The following GALNT13 variants were observed in gnomAD, a reference collection of about 807,000 sequenced individuals.
The protein encoded by GALNT13 is UDP-GalNAc:polypeptide N-acetylgalactosaminyltransferase 13.
Under a neutral mutation model 64.2 loss-of-function variants are expected in GALNT13, and 28 were observed. The ratio of observed to expected loss-of-function variants is 0.44; its 90% CI spans 0.32 to 0.60. GALNT13 has a LOEUF of 0.60. Ranked by LOEUF, GALNT13 falls within the 20% of genes least tolerant of loss-of-function variation. The pLI, the probability that GALNT13 is intolerant of heterozygous loss-of-function variation, is 0.05. For synonymous variants in GALNT13, 214 were observed against 224.6 expected, an observed-to-expected ratio of 0.95 and a Z score of 0.42; for missense variants, 577 against 669.8, an observed-to-expected ratio of 0.86 and a Z score of 1.53.
the GALNT13 span, among the ~76,000 whole-genome samples, chr2:153,081,729 G>A: frequency 6.6e-6 from 1 of 152,034 alleles, no homozygotes; most frequent in Non-Finnish European, 1.5e-5. Flanking sequence ...ATAGTACTCC[G>A]CTATGTACAT....
chr2:153,209,037 G>A, the GALNT13 span, among the ~76,000 whole-genome samples: 1 of 134,082 alleles, frequency 7.5e-6, no homozygotes, highest in African/African-American at 2.8e-5. Flanking sequence ...GGAGTGCAGT[G>A]GCACTATCTT....
chr2:153,549,135 T>C, the GALNT13 span, among the ~76,000 whole-genome samples: 1 of 152,036 alleles, frequency 6.6e-6, no homozygotes. Context: ...TGACTGATGA[T>C]GGGTAGGGGT....
chr2:153,599,723 A>G, the GALNT13 span, among the ~76,000 whole-genome samples: 1 of 152,036 alleles, frequency 6.6e-6, no homozygotes, highest in Non-Finnish European at 1.5e-5. Context: ...GTAGCTGGAC[A>G]TATTATCATA....
the GALNT13 span, among the ~76,000 whole-genome samples, chr2:153,313,502 C>T: frequency 1.4e-5 from 2 of 144,996 alleles, no homozygotes; most frequent in Non-Finnish European, 3.0e-5. Context: ...ATGATGAGAA[C>T]AATGGAAATA....
chr2:153,790,310 A>G, the GALNT13 span, among the ~76,000 whole-genome samples: 8 of 152,208 alleles, frequency 5.3e-5, no homozygotes, highest in Non-Finnish European at 8.8e-5. Flanking sequence ...TTATCACATA[A>G]ACAGAACTAA....
At chr2:153,936,222 C>T (rs1690902269) in intron 2 of GALNT13, among the ~76,000 whole-genome samples, 1 of 152,160 alleles carries the variant, frequency 6.6e-6, no homozygotes, top group Non-Finnish European at 1.5e-5. Context: ...GCATTAACAA[C>T]TATTTGCATA....
At chr2:153,316,272 A>G in the GALNT13 span, among the ~76,000 whole-genome samples, 10 of 151,768 alleles carry the variant, frequency 6.6e-5, no homozygotes, top group South Asian at 1.7e-3. Context: ...ATAAAATTAA[A>G]CTCCTACCGC....
chr2:154,247,067 G>A (rs1480025368), intron 7 of GALNT13, among the ~76,000 whole-genome samples: 1 of 151,894 alleles, frequency 6.6e-6, no homozygotes, highest in African/African-American at 2.4e-5. Context: ...CTAAAAATAG[G>A]CTAATGGAAG....
At chr2:153,231,405 T>A in the GALNT13 span, among the ~76,000 whole-genome samples, 3 of 152,192 alleles carry the variant, frequency 2.0e-5, no homozygotes, top group African/African-American at 7.2e-5. Context: ...GGAACAGGAT[T>A]CTTATTTGAG....
At position 153,889,060 on chromosome 2, in the gene GALNT13, A is replaced by G. The variant is rs147035579; in HGVS notation, c.-176-11876A>G. Among the ~76,000 whole-genome samples the G allele has an allele frequency of 6.0e-3, 907 of 152,112 alleles. 13 individuals are homozygous for G. Among genetic ancestry groups the G allele is most frequent in the African/African-American group, 0.02 (845 of 41,538 alleles). ...CCTAGCACAGGGCAGAGTTGATGCA[A>G]ACTACCTGTGTGTGTGCTTTTCTGC... On this transcript the variant is annotated intron_variant, in intron 1 of 12. Coordinates refer to ENST00000392825, the MANE Select transcript of GALNT13 (RefSeq NM_052917.4).
Position 154,246,060 on chromosome 2 carries a change from T to C in GALNT13, c.857+78T>C, listed in dbSNP as rs573445109. 21 of 882,810 alleles carry C rather than the reference T, an allele frequency of 2.4e-5. No homozygotes were observed. The East Asian group carries it at 3.5e-4, about 15-fold the overall frequency. The allele number at this position is 882,810 out of a possible 1,614,324, so 54.7% of individuals were successfully genotyped here. A position where few individuals can be genotyped will look rare whatever the true frequency, so the allele number is the denominator to read the frequency against. The stretch of plus-strand genomic sequence containing the variant: ...AATATTATAGATTTCTGTTCTAATG[T>C]TTAATTATTTAATTGTATCCTTATT... On this transcript the variant is annotated intron_variant, in intron 7 of 12. Coordinates refer to ENST00000392825, the MANE Select transcript of GALNT13 (RefSeq NM_052917.4).
the GALNT13 span, among the ~76,000 whole-genome samples, chr2:153,771,744 C>T: frequency 2.0e-3 from 302 of 152,190 alleles, 3 homozygotes; most frequent in Middle Eastern, 6.8e-3. Context: ...GGAGAGGACT[C>T]CAGTGCCCCA....
At chr2:153,682,693 C>T in the GALNT13 span, among the ~76,000 whole-genome samples, 1 of 151,688 alleles carries the variant, frequency 6.6e-6, no homozygotes, top group Admixed American at 6.6e-5. Context: ...TAGTTGTTAT[C>T]TTGAAATATT....
chr2:153,397,413 C>T, the GALNT13 span, among the ~76,000 whole-genome samples: 1 of 152,086 alleles, frequency 6.6e-6, no homozygotes, highest in Admixed American at 6.6e-5. Flanking sequence ...TAAGAGCCTC[C>T]ATGGCAGGAT....
chr2:153,840,528 A>G, the GALNT13 span, among the ~76,000 whole-genome samples: 2 of 152,098 alleles, frequency 1.3e-5, no homozygotes, highest in African/African-American at 2.4e-5. Context: ...AATTTTTCCC[A>G]TATGAAAGAT....
chr2:153,860,746 T>G, the GALNT13 span, among the ~76,000 whole-genome samples: 2 of 152,188 alleles, frequency 1.3e-5, no homozygotes, highest in Non-Finnish European at 2.9e-5. Context: ...TTCTATCTAT[T>G]AGGGATATTT....
intron 4 of GALNT13, among the ~76,000 whole-genome samples, chr2:154,149,415 T>C (rs1286793057): frequency 6.6e-6 from 1 of 151,274 alleles, no homozygotes; most frequent in Non-Finnish European, 1.5e-5. Context: ...GTGCGGGCTC[T>C]TTTTTGCTTC....
At chr2:154,011,304 T>C (rs139304525) in intron 3 of GALNT13, among the ~76,000 whole-genome samples, 4 of 152,234 alleles carry the variant, frequency 2.6e-5, no homozygotes, top group Admixed American at 2.0e-4. Flanking sequence ...TTCAAAGAAA[T>C]TCTTGATTTC....
intron 9 of GALNT13, among the ~76,000 whole-genome samples, chr2:154,356,428 C>A (rs917596173): frequency 1.3e-5 from 2 of 151,736 alleles, no homozygotes; most frequent in Admixed American, 1.3e-4. Flanking sequence ...TTAATCAGTT[C>A]TTGAAATCAA....
Sources: allele counts gnomAD v4.1 joint callset (sites outside exome capture counted in the v4.1 genomes callset), GRCh38; gene constraint gnomAD v4.1.1; transcripts MANE v1.5; gene names NCBI Gene and HGNC (gene_info 2026-07-23, HGNC 2026-07-21).